Variants in ELFN1 observed in about 807,000 individuals in gnomAD.
ELFN1 encodes the protein extracellular leucine rich repeat and fibronectin type III domain containing 1, also known as protein ELFN1.
Under a neutral mutation model 7.6 loss-of-function variants are expected in ELFN1, and 6 were observed. That is an observed-to-expected ratio of 0.79 (90% confidence interval 0.43 to 1.56). The LOEUF (loss-of-function observed/expected upper bound fraction) is 1.56, where lower values mean the gene tolerates loss of function less well. Among genes scored for constraint, ELFN1 ranks in the 40% most tolerant of loss-of-function variants. The pLI, the probability that ELFN1 is intolerant of heterozygous loss-of-function variation, is 0.01. For synonymous variants in ELFN1, 657 were observed against 588.1 expected, an observed-to-expected ratio of 1.12 and a Z score of -1.70; for missense variants, 1,169 against 1,232.2, an observed-to-expected ratio of 0.95 and a Z score of 0.77.
At chr7:1,724,259 C>T (rs566339302) in intron 3 of ELFN1, among the ~76,000 whole-genome samples, 1 of 152,270 alleles carries the variant, frequency 6.6e-6, no homozygotes, top group Admixed American at 6.5e-5. Context: ...GAAACCAAAC[C>T]CTTCATCGTG....
chr7:1,684,091 A>T (rs892296109), intron 1 of ELFN1, among the ~76,000 whole-genome samples: 2 of 152,164 alleles, frequency 1.3e-5, no homozygotes, highest in Non-Finnish European at 2.9e-5. Context: ...TTGAGGCTGC[A>T]GAAAGCTAAG....
Position 1,711,858 on chromosome 7 carries a change from G to T in ELFN1, c.-294+2606G>T, listed in dbSNP as rs115210206. Among the ~76,000 whole-genome samples the T allele has an allele frequency of 2.0e-5, 3 of 152,304 alleles. No homozygotes were observed. In the South Asian group the frequency reaches 6.2e-4, roughly 32 times the overall value. ...AGCTCTTGGGAAGACAGGGCAGTCTGGGGGAGGGGGCGGCAGCTCGGACCG... is the reference window on the plus strand; with the variant it reads ...AGCTCTTGGGAAGACAGGGCAGTCTTGGGGAGGGGGCGGCAGCTCGGACCG... On this transcript the variant is annotated intron_variant, in intron 3 of 3. Coordinates refer to ENST00000424383, the MANE Select transcript of ELFN1 (RefSeq NM_001128636.4).
chr7:1,672,966 C>T (rs1778795717), intron 1 of ELFN1, among the ~76,000 whole-genome samples: 3 of 152,078 alleles, frequency 2.0e-5, no homozygotes, highest in African/African-American at 7.2e-5. Flanking sequence ...AAGTGAGTGA[C>T]AGGCGAGAGA....
intron 1 of ELFN1, among the ~76,000 whole-genome samples, chr7:1,675,022 T>TAGGCTCCCCACACCTCATATCC (rs1381539308): frequency 1.5e-5 from 1 of 64,580 alleles, no homozygotes; most frequent in East Asian, 6.4e-4. Flanking sequence ...GCTCCCATGC[T>TAGGCTCCCCACACCTCATATCC]GGGCTCCCCA....
chr7:1,675,956 T>C (rs1274993491), intron 1 of ELFN1, among the ~76,000 whole-genome samples: 2 of 151,978 alleles, frequency 1.3e-5, no homozygotes, highest in Admixed American at 1.3e-4. Flanking sequence ...ACCCTCAGGA[T>C]GTGTCTCCTG....
At chr7:1,668,365 G>A (rs1435667957), upstream of ELFN1, among the ~76,000 whole-genome samples, 1 of 152,270 alleles carries the variant, frequency 6.6e-6, no homozygotes, top group African/African-American at 2.4e-5. Flanking sequence ...GGACACCTGC[G>A]AAGGCAAAGG....
At chr7:1,720,605 A>G (rs1041353165) in intron 3 of ELFN1, among the ~76,000 whole-genome samples, 1 of 152,194 alleles carries the variant, frequency 6.6e-6, no homozygotes, top group Non-Finnish European at 1.5e-5. Flanking sequence ...TTGTGTGCCA[A>G]GAACCTCAGC....
intron 3 of ELFN1, among the ~76,000 whole-genome samples, chr7:1,734,934 GTCC>G (rs1401101080): frequency 6.6e-6 from 1 of 152,030 alleles, no homozygotes; most frequent in South Asian, 2.1e-4. Context: ...GGCTTAAGCC[GTCC>G]TCCTGCCTCC....
At chr7:1,679,605 C>T (rs553753680) in intron 1 of ELFN1, among the ~76,000 whole-genome samples, 28 of 152,310 alleles carry the variant, frequency 1.8e-4, no homozygotes, top group African/African-American at 5.8e-4. Context: ...GGAGGGGAAC[C>T]GAGGGTTCCT....
rs747413134 is a variant in ELFN1 at position 1,745,610 on chromosome 7, G to T, written c.1014G>T (p.Pro338=). The part of the protein sequence containing the change: ...SATITVQLPS[P]FHRMYTLEHF... ...CCATCACCGTCCAGCTGCCCAGCCC[G>T]TTCCACCGGATGTACACCCTGGAGC... Residue 338 remains proline (P), a synonymous_variant, in exon 4 of 4, where the codon CCG becomes CCT. Transcript: ENST00000424383. The T allele has an allele frequency of 3.2e-6, 5 of 1,551,006 alleles. No homozygotes were observed. Among genetic ancestry groups the T allele is most frequent in the East Asian group, 2.4e-5 (1 of 40,914 alleles).
chr7:1,725,336 G>A (rs990920928), intron 3 of ELFN1, among the ~76,000 whole-genome samples: 15 of 152,312 alleles, frequency 9.8e-5, no homozygotes, highest in Non-Finnish European at 1.8e-4. Flanking sequence ...GGGGGCCCTG[G>A]TGGTGTGGAG....
chr7:1,701,909 C>G lies in ELFN1; in HGVS notation c.-455-7182C>G, dbSNP rs560503433. Among the ~76,000 whole-genome samples the G allele has an allele frequency of 5.9e-5, 9 of 152,110 alleles. No homozygotes were observed. In the East Asian group the frequency reaches 1.7e-3, roughly 29 times the overall value. On this transcript the variant is annotated intron_variant, in intron 2 of 3. Transcript: ENST00000424383. ...TTTTGCATTTAGCTCTGTAATCAGCCTGGAGTTGACTTTATACGTGATGGG... is the reference window on the plus strand; with the variant it reads ...TTTTGCATTTAGCTCTGTAATCAGCGTGGAGTTGACTTTATACGTGATGGG...
At chr7:1,708,895 CT>C (rs1779593150) in intron 2 of ELFN1, among the ~76,000 whole-genome samples, 195 bp from the exon 3 acceptor site, 1 of 152,172 alleles carries the variant, frequency 6.6e-6, no homozygotes, top group Non-Finnish European at 1.5e-5. Context: ...GCACATGGCT[CT>C]GTGTGTCAGC....
intron 2 of ELFN1, among the ~76,000 whole-genome samples, chr7:1,691,092 C>T (rs1286176880): frequency 6.6e-6 from 1 of 152,122 alleles, no homozygotes; most frequent in Non-Finnish European, 1.5e-5. Flanking sequence ...GATAATGAGG[C>T]CCCCAGAAGT....
intron 3 of ELFN1, among the ~76,000 whole-genome samples, chr7:1,710,559 G>C (rs1411805104): frequency 6.6e-6 from 1 of 152,202 alleles, no homozygotes; most frequent in Admixed American, 6.5e-5. Context: ...AATTTGGGAG[G>C]CCCTCAAGTC....
At chr7:1,675,978 T>C (rs1285068236) in intron 1 of ELFN1, among the ~76,000 whole-genome samples, 1 of 152,166 alleles carries the variant, frequency 6.6e-6, no homozygotes, top group Non-Finnish European at 1.5e-5. Context: ...GCGTGGACTC[T>C]GGGCTGTGCT....
intron 3 of ELFN1, among the ~76,000 whole-genome samples, chr7:1,712,255 G>A (rs1365512066): frequency 6.6e-6 from 1 of 150,828 alleles, no homozygotes; most frequent in Non-Finnish European, 1.5e-5. Context: ...CTGAGTAGCT[G>A]GGACTACAGG....
intron 3 of ELFN1, among the ~76,000 whole-genome samples, chr7:1,720,748 C>T (rs911312060): frequency 4.6e-5 from 7 of 151,458 alleles, no homozygotes; most frequent in Non-Finnish European, 8.8e-5. Flanking sequence ...CCCCCCGCAC[C>T]TAGTACTTGG....
rs897812110 is a variant in ELFN1, at chr7:1,746,946, C to T, written c.2350C>T (p.Arg784Cys). 20 of 1,550,492 alleles carry T rather than the reference C, an allele frequency of 1.3e-5. No homozygotes were observed. Among genetic ancestry groups the T allele is most frequent in the Non-Finnish European group, 1.7e-5 (20 of 1,147,144 alleles). The change falls in exon 4 of 4, where the codon CGC (arginine) becomes TGC (cysteine). Residue 784 changes from arginine (R) to cysteine (C), a missense_variant. Transcript: ENST00000424383. ...CATCTGGGAGCGCTTCAGACTGAGC[C>T]GCCGGCGGCACAAGGAGGAAGAGGA... ...QSIWERFRLS[R>C]RRHKEEEEFM... is the part of the protein sequence containing the mutation.
Sources: allele counts gnomAD v4.1 joint callset (sites outside exome capture counted in the v4.1 genomes callset), GRCh38; gene constraint gnomAD v4.1.1; transcripts MANE v1.5; gene names NCBI Gene and HGNC (gene_info 2026-07-23, HGNC 2026-07-21).